Variants in SLC14A2 observed in about 807,000 individuals in gnomAD.
The protein encoded by SLC14A2 is urea transporter 2.
SLC14A2 carries 91 observed loss-of-function variants against 104.6 expected under a neutral mutation model. The ratio of observed to expected loss-of-function variants is 0.87; its 90% confidence interval spans 0.73 to 1.04. The LOEUF (loss-of-function observed/expected upper bound fraction) is 1.04. Among genes scored for constraint, SLC14A2 ranks in the 50% least tolerant of loss-of-function variants. The pLI, the probability that SLC14A2 is intolerant of heterozygous loss-of-function variation, is 0.00. For missense variants in SLC14A2, 1,189 were observed against 1,156.0 expected (o/e 1.03, Z -0.41); for synonymous variants, 476 against 466.4 (o/e 1.02, Z -0.27).
intron 8 of SLC14A2, among the ~76,000 whole-genome samples, chr18:45,642,704 C>T (rs1210923692): frequency 2.0e-5 from 3 of 152,208 alleles, no homozygotes; most frequent in African/African-American, 7.2e-5. Flanking sequence ...AGCAGCATCA[C>T]AGCTGCTCAC....
At chr18:45,425,185 G>C (rs994515054) in intron 1 of SLC14A2, among the ~76,000 whole-genome samples, 1 of 152,170 alleles carries the variant, frequency 6.6e-6, no homozygotes, top group Non-Finnish European at 1.5e-5. Context: ...AAATGGTCCT[G>C]GCAATGGTAA....
chr18:45,241,499 C>T (rs2144051095), intron 1 of SLC14A2, among the ~76,000 whole-genome samples: 1 of 152,154 alleles, frequency 6.6e-6, no homozygotes, highest in South Asian at 2.1e-4. Context: ...CCACTGGGTC[C>T]CTGGTAGGAA....
At chr18:45,176,699 T>C in the SLC14A2 span, among the ~76,000 whole-genome samples, 3 of 152,178 alleles carry the variant, frequency 2.0e-5, no homozygotes. Context: ...TCTCCTGATT[T>C]TCTCTCTGCA....
chr18:45,499,213 T>C (rs2043151595), intron 2 of SLC14A2, among the ~76,000 whole-genome samples: 1 of 152,222 alleles, frequency 6.6e-6, no homozygotes, highest in African/African-American at 2.4e-5. Context: ...CTCCCCAAAA[T>C]GTCATTTTAT....
At chr18:45,380,669 G>A (rs2085825509) in intron 1 of SLC14A2, among the ~76,000 whole-genome samples, 1 of 152,140 alleles carries the variant, frequency 6.6e-6, no homozygotes, top group South Asian at 2.1e-4. Context: ...TTATGAAGTT[G>A]GCTGTGCTTT....
chr18:45,407,238 T>C (rs2086165594), intron 1 of SLC14A2, among the ~76,000 whole-genome samples: 2 of 152,234 alleles, frequency 1.3e-5, no homozygotes, highest in South Asian at 2.1e-4. Context: ...GCGTCAGCAC[T>C]TGCTGCTTTA....
intron 2 of SLC14A2, among the ~76,000 whole-genome samples, chr18:45,592,371 C>G (rs186160266): frequency 1.9e-4 from 29 of 152,256 alleles, no homozygotes; most frequent in Non-Finnish European, 2.6e-4. Flanking sequence ...GTCATTGTTG[C>G]CAATACCATG....
At chr18:45,681,661 T>C (rs2046310617) in intron 19 of SLC14A2, among the ~76,000 whole-genome samples, 1 of 152,180 alleles carries the variant, frequency 6.6e-6, no homozygotes, top group Non-Finnish European at 1.5e-5. Flanking sequence ...ATCTCTCTGC[T>C]CACTTTCCCT....
intron 1 of SLC14A2, among the ~76,000 whole-genome samples, chr18:45,392,409 C>G (rs924410173): frequency 6.6e-6 from 1 of 152,200 alleles, no homozygotes; most frequent in African/African-American, 2.4e-5. Context: ...CAATGAAAGC[C>G]TCATTGCCCT....
intron 1 of SLC14A2, among the ~76,000 whole-genome samples, chr18:45,216,479 G>A (rs1471796890): frequency 6.6e-6 from 1 of 152,164 alleles, no homozygotes; most frequent in Non-Finnish European, 1.5e-5. Flanking sequence ...GGGGTGTTAT[G>A]TTGGTGCTCA....
intron 1 of SLC14A2, among the ~76,000 whole-genome samples, chr18:45,257,848 T>C (rs2084495740): frequency 6.6e-6 from 1 of 152,158 alleles, no homozygotes; most frequent in Non-Finnish European, 1.5e-5. Context: ...ATGTGCATTG[T>C]TTTTCATGTA....
intron 1 of SLC14A2, among the ~76,000 whole-genome samples, chr18:45,265,445 A>C (rs531835859): frequency 1.3e-5 from 2 of 152,284 alleles, no homozygotes; most frequent in South Asian, 4.1e-4. Context: ...AGGTCCTCTA[A>C]GGTCCTTTTG....
intron 1 of SLC14A2, among the ~76,000 whole-genome samples, chr18:45,254,801 G>T (rs1177343923): frequency 1.3e-5 from 2 of 152,128 alleles, no homozygotes; most frequent in African/African-American, 4.8e-5. Flanking sequence ...AGGGGGCCAC[G>T]TTCTTCCTGC....
In SLC14A2 at chr18:45,637,076, T is replaced by C. The variant is rs1452760952; in HGVS notation, c.737T>C (p.Leu246Ser). Residue 246 changes from leucine to serine, a missense_variant, in exon 6 of 20, where the codon TTG becomes TCG. Physicochemically the swap from Leu to Ser is moderately radical, Grantham distance 145 (BLOSUM62 -2). Coordinates refer to ENST00000255226, the MANE Select transcript of SLC14A2 (RefSeq NM_007163.4). ...FTLPFNIAVT[L>S]YLAATGHYNL... ...CTGCCCTTCAACATTGCAGTCACCTTGTACCTTGCAGCCACAGGCCACTAC... is the reference window on the plus strand; with the variant it reads ...CTGCCCTTCAACATTGCAGTCACCTCGTACCTTGCAGCCACAGGCCACTAC... The C allele has an allele frequency of 1.2e-6, 2 of 1,614,214 alleles. No homozygotes were observed. The highest frequency in any genetic ancestry group is 1.1e-5 in the South Asian group (1 of 91,084).
At chr18:45,344,268 A>C (rs889472390) in intron 1 of SLC14A2, among the ~76,000 whole-genome samples, 1 of 152,144 alleles carries the variant, frequency 6.6e-6, no homozygotes, top group African/African-American at 2.4e-5. Flanking sequence ...CTTAGATGTC[A>C]TTCAATTCAA....
chr18:45,254,740 C>T (rs373964910), intron 1 of SLC14A2, among the ~76,000 whole-genome samples: 11 of 151,986 alleles, frequency 7.2e-5, no homozygotes, highest in South Asian at 2.1e-4. Context: ...TGTGGGGGAC[C>T]GTAAGCCATC....
At chr18:45,366,317 T>C (rs2085665190) in intron 1 of SLC14A2, among the ~76,000 whole-genome samples, 1 of 151,986 alleles carries the variant, frequency 6.6e-6, no homozygotes, top group Non-Finnish European at 1.5e-5. Flanking sequence ...CCACAACTGC[T>C]CTCCTCTCCT....
chr18:45,419,716 G>A (rs576930002), intron 1 of SLC14A2, among the ~76,000 whole-genome samples: 1 of 151,078 alleles, frequency 6.6e-6, no homozygotes, highest in East Asian at 2.0e-4. Flanking sequence ...AGAGGTTGCA[G>A]TGGGCTGAGA....
chr18:45,225,677 G>T (rs1271496059), intron 1 of SLC14A2, among the ~76,000 whole-genome samples: 1 of 152,142 alleles, frequency 6.6e-6, no homozygotes. Context: ...TTGAGCAGTG[G>T]TTTGTAGTTC....
Sources: allele counts gnomAD v4.1 joint callset (sites outside exome capture counted in the v4.1 genomes callset), GRCh38; gene constraint gnomAD v4.1.1; transcripts MANE v1.5; gene names NCBI Gene and HGNC (gene_info 2026-07-23, HGNC 2026-07-21).